The following KIAA1671 variants were observed in gnomAD, a reference collection of about 807,000 sequenced individuals.
The protein encoded by KIAA1671 is KIAA1671, also known as uncharacterized protein KIAA1671.
KIAA1671 carries 52 observed loss-of-function variants against 131.2 expected under a neutral mutation model. The ratio of observed to expected loss-of-function variants is 0.40; its 90% CI spans 0.32 to 0.50. The LOEUF (loss-of-function observed/expected upper bound fraction) is 0.50, where lower values mean the gene tolerates loss of function less well. Among genes scored for constraint, KIAA1671 ranks in the 20% least tolerant of loss-of-function variants. KIAA1671 has a pLI of 0.73. For missense variants in KIAA1671, 2,360 were observed against 2,364.2 expected, an observed-to-expected ratio of 1.00 and a Z score of 0.04; for synonymous variants, 1,003 against 961.6, an observed-to-expected ratio of 1.04 and a Z score of -0.80.
Position 25,040,928 on chromosome 22 carries a change from C to A in KIAA1671, c.3798C>A (p.Ala1266=). Residue 1266 remains alanine, a synonymous_variant, in exon 5 of 13, where the codon GCC becomes GCA. Transcript: ENST00000358431. ...GTCTCTGGAAACCGGCCAGTTCTGC[C>A]GAAATAAATCACAGTTTCACTCCTG... The part of the protein sequence containing the change: ...TGGLWKPASS[A]EINHSFTPGL... 10 of 1,489,742 alleles carry A rather than the reference C, an allele frequency of 6.7e-6. No individual in the cohort carries two copies. The highest frequency in any genetic ancestry group is 8.9e-6 in the Non-Finnish European group (10 of 1,119,670). The allele number at this position is 1,489,742 out of a possible 1,614,324, so 92.3% of individuals were successfully genotyped here.
At chr22:25,098,891 A>T (rs1930515993) in intron 6 of KIAA1671, among the ~76,000 whole-genome samples, 1 of 152,236 alleles carries the variant, frequency 6.6e-6, no homozygotes, top group Non-Finnish European at 1.5e-5. Context: ...CCCCATGTGC[A>T]GAGAAGCAAG....
intron 6 of KIAA1671, among the ~76,000 whole-genome samples, chr22:25,114,821 C>T (rs759058883): frequency 4.3e-4 from 65 of 152,206 alleles, no homozygotes; most frequent in Non-Finnish European, 5.9e-4. Context: ...TTTTTAAAGC[C>T]ACAGACAATT....
In KIAA1671 at chr22:24,979,170, A is replaced by ATTTTTT. The variant is rs71191010; in HGVS notation, c.-208+26417_-208+26422dup. Among the ~76,000 whole-genome samples the ATTTTTT allele has an allele frequency of 7.0e-3, 572 of 81,630 alleles. 19 individuals carry two copies. Among genetic ancestry groups the ATTTTTT allele is most frequent in the South Asian group, 0.035 (73 of 2,102 alleles). The allele number at this position is 81,630 out of a possible 152,430, so 53.6% of individuals were successfully genotyped here. A position where few individuals can be genotyped will look rare whatever the true frequency, so the allele number is the denominator to read the frequency against. Reference sequence around the variant, plus strand: ...ATCACCATGCCTGGCTAATTTTTGTATTTTTTTTTTTTTTTTTTTTTTTTA... The same window carrying ATTTTTT: ...ATCACCATGCCTGGCTAATTTTTGTATTTTTTTTTTTTTTTTTTTTTTTTTTTTTTA... On this transcript the variant is annotated intron_variant, in intron 1 of 12. Coordinates refer to ENST00000358431, the MANE Select transcript of KIAA1671 (RefSeq NM_001145206.2).
chr22:25,015,948 A>G (rs946747798), intron 1 of KIAA1671, among the ~76,000 whole-genome samples: 2 of 152,242 alleles, frequency 1.3e-5, no homozygotes, highest in Non-Finnish European at 2.9e-5. Flanking sequence ...TTGCGAAGTA[A>G]GAATTTGATT....
At chr22:25,026,578 A>G (rs965864365) in intron 2 of KIAA1671, among the ~76,000 whole-genome samples, 4 of 152,212 alleles carry the variant, frequency 2.6e-5, no homozygotes, top group African/African-American at 9.6e-5. Context: ...TAAAACCACA[A>G]AATTACCTGG....
chr22:25,091,655 G>A (rs1930035209), intron 6 of KIAA1671, among the ~76,000 whole-genome samples: 1 of 152,210 alleles, frequency 6.6e-6, no homozygotes, highest in African/African-American at 2.4e-5. Flanking sequence ...AGTTGCCATG[G>A]CTACGGGTAA....
chr22:25,113,852 C>T (rs951737073), intron 6 of KIAA1671, among the ~76,000 whole-genome samples: 4 of 152,216 alleles, frequency 2.6e-5, no homozygotes, highest in Non-Finnish European at 5.9e-5. Flanking sequence ...CTGTCTCCCT[C>T]TGTGTGTATC....
chr22:25,059,853 G>A (rs1006045350), intron 6 of KIAA1671: 6 of 152,234 alleles, frequency 3.9e-5, no homozygotes, highest in African/African-American at 1.2e-4. Context: ...AGGGTTCAGA[G>A]GGAAAATGGA....
chr22:25,028,234 T>C lies in KIAA1671; in HGVS notation c.235T>C (p.Ser79Pro). 3.2e-6 allele frequency: 5 copies of C among 1,551,494 alleles called. No individual in the cohort carries two copies. Among genetic ancestry groups the C allele is most frequent in the South Asian group, 1.2e-5 (1 of 84,046 alleles). The change falls in exon 3 of 13, where the codon TCT becomes CCT. Residue 79 changes from serine (S) to proline (P), a missense_variant. Physicochemically the swap from Ser to Pro is moderately conservative, Grantham distance 74. Coordinates refer to ENST00000358431, the MANE Select transcript of KIAA1671 (RefSeq NM_001145206.2). ...KPFSKEQDVK[S>P]PVPSLRPSST... ...CTTCTCGAAGGAGCAGGACGTGAAA[T>C]CTCCTGTCCCGTCTCTGCGGCCCAG...
At chr22:24,954,930 G>C (rs1921614027) in intron 1 of KIAA1671, among the ~76,000 whole-genome samples, 1 of 152,070 alleles carries the variant, frequency 6.6e-6, no homozygotes, top group Non-Finnish European at 1.5e-5. Context: ...ACAGATGCCC[G>C]CCACTCTGCC....
intron 6 of KIAA1671, among the ~76,000 whole-genome samples, chr22:25,114,948 T>C (rs1282848855): frequency 6.6e-6 from 1 of 152,228 alleles, no homozygotes; most frequent in Non-Finnish European, 1.5e-5. Context: ...TCATCCTGGT[T>C]CCTGCCTCCG....
chr22:25,043,854 A>C (rs1270493286), intron 5 of KIAA1671, among the ~76,000 whole-genome samples: 1 of 152,196 alleles, frequency 6.6e-6, no homozygotes, highest in African/African-American at 2.4e-5. Flanking sequence ...ATGTGGCATC[A>C]GCAAATCAGG....
chr22:25,179,988 G>A (rs1309907528), intron 9 of KIAA1671, among the ~76,000 whole-genome samples: 1 of 151,954 alleles, frequency 6.6e-6, no homozygotes, highest in African/African-American at 2.4e-5. Context: ...AGTTATTCCA[G>A]GCAGAAGTAT....
intron 6 of KIAA1671, among the ~76,000 whole-genome samples, chr22:25,068,333 G>T (rs538662799): frequency 5.3e-5 from 8 of 152,252 alleles, no homozygotes; most frequent in Non-Finnish European, 1.0e-4. Flanking sequence ...GGAGTGGGGC[G>T]CTGAGAATCA....
intron 6 of KIAA1671, among the ~76,000 whole-genome samples, chr22:25,165,482 A>G (rs1331297208): frequency 6.6e-6 from 1 of 152,242 alleles, no homozygotes; most frequent in Non-Finnish European, 1.5e-5. Flanking sequence ...GCTGTACACT[A>G]CAGCTTTCTA....
At chr22:25,074,312 C>A (rs1412694342) in intron 6 of KIAA1671, among the ~76,000 whole-genome samples, 1 of 150,674 alleles carries the variant, frequency 6.6e-6, no homozygotes, top group African/African-American at 2.4e-5. Flanking sequence ...TGAGACCAGC[C>A]TGGTCAACAT....
chr22:25,149,993 G>C, intron 6 of KIAA1671, among the ~76,000 whole-genome samples: 1 of 152,026 alleles, frequency 6.6e-6, no homozygotes, highest in East Asian at 1.9e-4. Context: ...TGCGCTTCCC[G>C]TGCCTGGTTG....
At chr22:25,190,911 A>G in intron 12 of KIAA1671, 127 bp downstream of exon 12, 1 of 629,444 alleles carries the variant, frequency 1.6e-6, no homozygotes, top group South Asian at 1.7e-5. Flanking sequence ...TAAGGGGAAG[A>G]ATGAGGGGTG....
At chr22:25,093,682 G>GAC (rs67802603) in intron 6 of KIAA1671, among the ~76,000 whole-genome samples, 1,871 of 49,914 alleles carry the variant, frequency 0.037, 58 homozygotes, top group East Asian at 0.072. Context: ...CCTGCCCCCC[G>GAC]ACACACACAC....
Sources: allele counts gnomAD v4.1 joint callset (sites outside exome capture counted in the v4.1 genomes callset), GRCh38; gene constraint gnomAD v4.1.1; transcripts MANE v1.5; gene names NCBI Gene and HGNC (gene_info 2026-07-23, HGNC 2026-07-21).